Variants in NEK6 observed in about 807,000 individuals in gnomAD.
The protein encoded by NEK6 is NIMA related kinase 6.
A neutral mutation model predicts 43.5 loss-of-function variants in NEK6; 27 were observed. The observed-to-expected ratio is 0.62, with a 90% CI of 0.46 to 0.86. The LOEUF (loss-of-function observed/expected upper bound fraction) is 0.86, where lower values mean the gene tolerates loss of function less well. NEK6 is among the 40% of genes least tolerant of loss of function. The pLI is 0.00. For missense variants in NEK6, 318 were observed against 414.4 expected (o/e 0.77, Z 2.02); for synonymous variants, 167 against 164.1 (o/e 1.02, Z -0.14).
At chr9:124,347,591 C>T (rs1002789081) in intron 8 of NEK6, 118 bp from the exon 9 acceptor site, 4 of 586,800 alleles carry the variant, frequency 6.8e-6, no homozygotes, top group East Asian at 3.0e-5. Context: ...CTGCTGGACT[C>T]GCCGCGGTCG....
At chr9:124,297,554 C>G (rs187374312) in intron 1 of NEK6, among the ~76,000 whole-genome samples, 183 of 152,318 alleles carry the variant, frequency 1.2e-3, no homozygotes, top group South Asian at 5.0e-3. Context: ...AAGCCAGGAA[C>G]CTGAGCTGGG....
chr9:124,257,683 T>C (rs564377700), upstream of NEK6: 11 of 1,533,262 alleles, frequency 7.2e-6, no homozygotes, highest in African/African-American at 1.4e-4. Flanking sequence ...ATCATAAGTC[T>C]AGAGCCGGAG....
At chr9:124,271,966 C>T (rs1347896053) in intron 1 of NEK6, among the ~76,000 whole-genome samples, 1 of 152,274 alleles carries the variant, frequency 6.6e-6, no homozygotes, top group Non-Finnish European at 1.5e-5. Flanking sequence ...CCACCTTGTG[C>T]TCCCCGTGTC....
chr9:124,292,600 T>C (rs1832476746), intron 1 of NEK6: 1 of 1,531,164 alleles, frequency 6.5e-7, no homozygotes, highest in African/African-American at 1.4e-5. Flanking sequence ...TTGGTCCTTC[T>C]TCCACTGTCA....
chr9:124,299,664 G>T (rs1282945015), intron 1 of NEK6, among the ~76,000 whole-genome samples: 2 of 152,122 alleles, frequency 1.3e-5, no homozygotes, highest in Admixed American at 1.3e-4. Flanking sequence ...CTGTGCTGAG[G>T]CAGAGGCAGG....
intron 1 of NEK6, 85 bp downstream of exon 1, chr9:124,258,170 C>T (rs886634945): frequency 6.1e-6 from 6 of 976,598 alleles, no homozygotes; most frequent in Non-Finnish European, 6.1e-6. Flanking sequence ...CCGTCACCCC[C>T]AGCCGGGCCG....
rs1038031740 is a variant in NEK6 at position 124,302,061 on chromosome 9, C to T, written c.90+7C>T. The T allele has an allele frequency of 1.7e-5, 27 of 1,577,594 alleles. No homozygotes were observed. Among genetic ancestry groups the T allele is most frequent in the Non-Finnish European group, 2.3e-5 (26 of 1,154,726 alleles). ...GCATCCTCCTGACCCACAGGTAAGC[C>T]CCTTACCTTTGTCTGCAGCACACTG... On this transcript the variant is annotated splice_region_variant and intron_variant, in intron 2 of 9. Transcript: ENST00000320246.
At chr9:124,333,365 C>G (rs185256638) in intron 7 of NEK6, among the ~76,000 whole-genome samples, 1 of 152,258 alleles carries the variant, frequency 6.6e-6, no homozygotes, top group Admixed American at 6.5e-5. Flanking sequence ...GGACACCCTG[C>G]CCCCCAGTGA....
At chr9:124,283,794 C>G (rs1319785614) in intron 1 of NEK6, among the ~76,000 whole-genome samples, 1 of 152,266 alleles carries the variant, frequency 6.6e-6, no homozygotes. Flanking sequence ...GAGCTGCTTC[C>G]CGTTCCGAGG....
intron 1 of NEK6, among the ~76,000 whole-genome samples, chr9:124,285,529 C>T (rs938788071): frequency 6.6e-6 from 1 of 152,110 alleles, no homozygotes; most frequent in Non-Finnish European, 1.5e-5. Context: ...GTCTCCCAGG[C>T]TATAGTTTCT....
intron 4 of NEK6, among the ~76,000 whole-genome samples, chr9:124,318,699 T>A (rs1464172333): frequency 1.5e-4 from 23 of 152,126 alleles, no homozygotes; most frequent in Admixed American, 1.3e-3. Flanking sequence ...TGAGACAGAG[T>A]CTTGCTCAGC....
chr9:124,265,080 C>T (rs377236391), intron 1 of NEK6, among the ~76,000 whole-genome samples: 1 of 152,028 alleles, frequency 6.6e-6, no homozygotes, highest in Non-Finnish European at 1.5e-5. Flanking sequence ...GACTGGGGAG[C>T]GACTGATTAA....
intron 2 of NEK6, among the ~76,000 whole-genome samples, chr9:124,312,159 G>C (rs1011169725): frequency 6.6e-6 from 1 of 152,256 alleles, no homozygotes; most frequent in Non-Finnish European, 1.5e-5. Context: ...CAAGGATTCA[G>C]GAGAGGATGA....
chr9:124,321,627 G>T (rs1466392222), intron 5 of NEK6, 58 bp downstream of exon 5: 4 of 1,153,616 alleles, frequency 3.5e-6, no homozygotes, highest in Non-Finnish European at 2.6e-6. Flanking sequence ...GCCAAAGGTG[G>T]CAGTCTTCCT....
In NEK6 at chr9:124,326,337, A is replaced by G. The variant is rs1472585159; in HGVS notation, c.413A>G (p.Lys138Arg). The G allele has an allele frequency of 6.2e-7, 1 of 1,610,804 alleles. No homozygotes were observed. The highest frequency in any genetic ancestry group is 8.5e-7 in the Non-Finnish European group (1 of 1,179,660). The change falls in exon 6 of 10, where the codon AAG (lysine) becomes AGG (arginine). Residue 138 changes from lysine to arginine, a missense_variant. By Grantham distance (26) the Lys-to-Arg change is conservative (BLOSUM62 2). Coordinates refer to ENST00000320246, the MANE Select transcript of NEK6 (RefSeq NM_014397.6). This position sits in a 1 kb window ranked among gnomAD's most constrained non-coding sequence, Gnocchi z 4.5. ...GDLSQMIKYF[K>R]KQKRLIPERT... ...TTGTCTCCCCCACTGCAGTACTTTA[A>G]GAAGCAGAAGCGGCTCATCCCGGAG...
chr9:124,297,161 A>T (rs553898164), intron 1 of NEK6, among the ~76,000 whole-genome samples: 3 of 152,264 alleles, frequency 2.0e-5, no homozygotes, highest in African/African-American at 7.2e-5. Flanking sequence ...CAGCTGTGTC[A>T]TTTACCAGCT....
intron 1 of NEK6, among the ~76,000 whole-genome samples, chr9:124,287,271 G>A (rs1832207753): frequency 6.6e-6 from 1 of 152,160 alleles, no homozygotes; most frequent in African/African-American, 2.4e-5. Context: ...AGGTTACCCT[G>A]GCACCAGCAG....
chr9:124,337,472 T>C (rs1245645328), intron 7 of NEK6, among the ~76,000 whole-genome samples: 1 of 152,228 alleles, frequency 6.6e-6, no homozygotes, highest in African/African-American at 2.4e-5. Flanking sequence ...TCCTATAGAG[T>C]AGCTTTTCCT....
At chr9:124,313,134 C>T (rs1010256942) in intron 3 of NEK6, among the ~76,000 whole-genome samples, 3 of 152,156 alleles carry the variant, frequency 2.0e-5, no homozygotes, top group East Asian at 1.9e-4. Flanking sequence ...CCATGAGAGC[C>T]GCTGGGCCCG....
Sources: gnomAD v4.1 joint callset for allele counts (sites outside exome capture counted in the v4.1 genomes callset) on GRCh38, gnomAD v4.1.1 for gene constraint, Gnocchi (gnomAD v3.1) non-coding constraint, MANE v1.5 for transcripts, NCBI Gene and HGNC (gene_info 2026-07-23, HGNC 2026-07-21) for gene names.